The following ERC2 variants were observed in gnomAD, a reference collection of about 807,000 sequenced individuals.
ERC2 encodes the protein ERC protein 2.
ERC2 carries 42 observed loss-of-function variants against 114.8 expected under a neutral mutation model. The observed-to-expected ratio is 0.37, with a 90% CI of 0.29 to 0.47. The LOEUF (loss-of-function observed/expected upper bound fraction) is 0.47, where lower values mean the gene tolerates loss of function less well. Among genes scored for constraint, ERC2 ranks in the 20% least tolerant of loss-of-function variants. ERC2 has a pLI of 0.99. For missense variants in ERC2, 939 were observed against 1,150.7 expected (o/e 0.82, Z 2.66); for synonymous variants, 454 against 425.5 (o/e 1.07, Z -0.82).
At chr3:56,003,109 A>G in intron 10 of ERC2, 2 of 1,289,330 alleles carry the variant, frequency 1.6e-6, no homozygotes, top group Non-Finnish European at 2.0e-6. Context: ...TGGGTTGTAC[A>G]TCTGATTGAA....
rs151010441 is a variant in ERC2, at chr3:55,846,055, A to T, written c.2564+42334T>A. Among the ~76,000 whole-genome samples, 1,295 of 152,312 alleles carry T rather than the reference A, an allele frequency of 8.5e-3. 24 individuals are homozygous for T. The highest frequency in any genetic ancestry group is 0.03 in the African/African-American group (1,237 of 41,550). ...GCAGTTTCGTTATATAGGTAACCTCATGTCACAGGGATTTATTGTACAGAT... is the reference window on the plus strand; with the variant it reads ...GCAGTTTCGTTATATAGGTAACCTCTTGTCACAGGGATTTATTGTACAGAT... On this transcript the variant is annotated intron_variant, in intron 14 of 17. Coordinates refer to ENST00000288221, the MANE Select transcript of ERC2 (RefSeq NM_015576.3).
chr3:55,611,456 G>C (rs550145537), intron 17 of ERC2, among the ~76,000 whole-genome samples: 15 of 152,348 alleles, frequency 9.8e-5, no homozygotes, highest in Non-Finnish European at 2.2e-4. Flanking sequence ...GGAGAAGCAG[G>C]CTGGCTTGTG....
intron 17 of ERC2, among the ~76,000 whole-genome samples, chr3:55,630,315 G>A (rs955457493): frequency 8.5e-5 from 13 of 152,196 alleles, no homozygotes; most frequent in East Asian, 5.8e-4. Context: ...AATTACAGGC[G>A]TGCACCACCA....
chr3:55,852,734 A>T (rs1307003480), intron 14 of ERC2: 1 of 152,530 alleles, frequency 6.6e-6, no homozygotes, highest in Non-Finnish European at 1.5e-5. Context: ...AACTCTCAAC[A>T]TTTAAGACAT....
chr3:55,661,558 T>C (rs1215854238), intron 17 of ERC2, among the ~76,000 whole-genome samples: 2 of 152,236 alleles, frequency 1.3e-5, no homozygotes, highest in Non-Finnish European at 1.5e-5. Context: ...TTTTAAGGGC[T>C]AATGTCATGA....
intron 13 of ERC2, among the ~76,000 whole-genome samples, chr3:55,937,768 T>C (rs2066540092): frequency 6.6e-6 from 1 of 152,266 alleles, no homozygotes; most frequent in Non-Finnish European, 1.5e-5. Context: ...TGTAAGTTTC[T>C]ATATTGAAAC....
At chr3:55,537,911 T>G (rs2054104889) in intron 17 of ERC2, among the ~76,000 whole-genome samples, 2 of 152,178 alleles carry the variant, frequency 1.3e-5, no homozygotes, top group African/African-American at 4.8e-5. Flanking sequence ...ATTACTCTAT[T>G]AGAACACTGC....
chr3:55,641,676 G>A (rs746191562), intron 17 of ERC2, among the ~76,000 whole-genome samples: 1 of 149,946 alleles, frequency 6.7e-6, no homozygotes, highest in Non-Finnish European at 1.5e-5. Context: ...GCCTGTATAG[G>A]TTCCTATTTC....
At chr3:56,254,440 G>A (rs183226045) in intron 3 of ERC2, among the ~76,000 whole-genome samples, 5 of 152,126 alleles carry the variant, frequency 3.3e-5, no homozygotes. Flanking sequence ...TCCACTCTGA[G>A]TTAGAATTAG....
chr3:56,351,076 G>A (rs1202372006), intron 2 of ERC2, among the ~76,000 whole-genome samples: 1 of 151,914 alleles, frequency 6.6e-6, no homozygotes, highest in Non-Finnish European at 1.5e-5. Flanking sequence ...GGCAGACAGA[G>A]GAAAGAAAAA....
chr3:56,441,177 G>A (rs1463839250), intron 1 of ERC2, among the ~76,000 whole-genome samples: 1 of 152,164 alleles, frequency 6.6e-6, no homozygotes, highest in African/African-American at 2.4e-5. Flanking sequence ...ACACAGAACG[G>A]CCCTGGAAGA....
chr3:56,051,869 A>G (rs1414370605), intron 7 of ERC2, among the ~76,000 whole-genome samples: 1 of 141,372 alleles, frequency 7.1e-6, no homozygotes, highest in Non-Finnish European at 1.5e-5. Context: ...ACACACACAC[A>G]CACACACACA....
In ERC2 at chr3:55,942,301, T is replaced by TTTTTTTTTTTTTTTTTTTTTTG. The variant is rs1559906638; in HGVS notation, c.2403+8123_2403+8124insCAAAAAAAAAAAAAAAAAAAAA. On this transcript the variant is annotated intron_variant, in intron 13 of 17. Coordinates refer to ENST00000288221, the MANE Select transcript of ERC2 (RefSeq NM_015576.3). ...TTTTTTTTTTTTTTTTTTTTTTTTTTTTGTTGAGACGGAGTCTCGCTCTGT... is the reference window on the plus strand; with the variant it reads ...TTTTTTTTTTTTTTTTTTTTTTTTTTTTTTTTTTTTTTTTTTTTTTTGTTGTTGAGACGGAGTCTCGCTCTGT... Among the ~76,000 whole-genome samples, 2 of 120,780 alleles carry TTTTTTTTTTTTTTTTTTTTTTG rather than the reference T, an allele frequency of 1.7e-5. 1 individual carries two copies. The highest frequency in any genetic ancestry group is 6.8e-5 in the African/African-American group (2 of 29,468). The allele number at this position is 120,780 out of a possible 152,430, so 79.2% of individuals were successfully genotyped here.
chr3:56,201,697 G>T (rs2048417064), intron 3 of ERC2, among the ~76,000 whole-genome samples: 1 of 152,170 alleles, frequency 6.6e-6, no homozygotes, highest in Non-Finnish European at 1.5e-5. Flanking sequence ...AACCCAAACT[G>T]TTAGGCAAGT....
chr3:55,848,768 A>G (rs187116142), intron 14 of ERC2, among the ~76,000 whole-genome samples: 160 of 152,310 alleles, frequency 1.1e-3, no homozygotes, highest in Middle Eastern at 3.4e-3. Context: ...TTCAGATCAA[A>G]CTGAATCTCC....
chr3:55,775,021 T>G (rs1449397171), intron 14 of ERC2, among the ~76,000 whole-genome samples: 1 of 152,126 alleles, frequency 6.6e-6, no homozygotes, highest in Non-Finnish European at 1.5e-5. Flanking sequence ...AATGGACATT[T>G]TAGGAGAGAC....
chr3:55,939,453 A>G (rs2066644356), intron 13 of ERC2, among the ~76,000 whole-genome samples: 1 of 152,240 alleles, frequency 6.6e-6, no homozygotes, highest in Non-Finnish European at 1.5e-5. Context: ...AATATCAAAC[A>G]TTTCTTTTGA....
intron 7 of ERC2, among the ~76,000 whole-genome samples, chr3:56,034,209 C>A (rs1184299161): frequency 3.3e-5 from 5 of 151,832 alleles, no homozygotes; most frequent in African/African-American, 1.2e-4. Flanking sequence ...CACTTTAAGT[C>A]AAAAACTGTC....
intron 10 of ERC2, among the ~76,000 whole-genome samples, chr3:56,004,978 G>C (rs1458379421): frequency 6.8e-6 from 1 of 147,048 alleles, no homozygotes; most frequent in Non-Finnish European, 1.5e-5. Flanking sequence ...ATTTTTTTAA[G>C]GTGATGGGTA....
Sources: allele counts gnomAD v4.1 joint callset (sites outside exome capture counted in the v4.1 genomes callset), GRCh38; gene constraint gnomAD v4.1.1; transcripts MANE v1.5; gene names NCBI Gene and HGNC (gene_info 2026-07-23, HGNC 2026-07-21).